Variants in PDGFRL observed in about 807,000 individuals in gnomAD.
PDGFRL encodes the protein platelet derived growth factor receptor like, also known as platelet-derived growth factor receptor-like protein.
Under a neutral mutation model 37.2 loss-of-function variants are expected in PDGFRL, and 46 were observed. That is an observed-to-expected ratio of 1.24 (90% CI 0.98 to 1.58). The LOEUF (loss-of-function observed/expected upper bound fraction) is 1.58. Ranked by LOEUF, PDGFRL falls within the 40% of genes most tolerant of loss-of-function variation. The pLI, the probability that PDGFRL is intolerant of heterozygous loss-of-function variation, is 0.00. For missense variants in PDGFRL, 692 were observed against 467.6 expected, an observed-to-expected ratio of 1.48 and a Z score of -4.43; for synonymous variants, 251 against 184.3, an observed-to-expected ratio of 1.36 and a Z score of -2.93.
chr8:17,627,098 G>A (rs1365300793), intron 3 of PDGFRL, among the ~76,000 whole-genome samples: 2 of 152,188 alleles, frequency 1.3e-5, no homozygotes, highest in Non-Finnish European at 2.9e-5. Flanking sequence ...GCTCCCAGGG[G>A]AGCTCTGATG....
In PDGFRL at chr8:17,634,220, G is replaced by A. The variant is rs750468269; in HGVS notation, c.939+7G>A. The stretch of plus-strand genomic sequence containing the variant: ...GATCTTCCCAGGGCAGAAGGTAAGT[G>A]TTGTACCTGCATCTCAGCCCCTGCG... On this transcript the variant is annotated splice_region_variant and intron_variant, in intron 5 of 5. Transcript: ENST00000251630. 1 of 1,602,146 alleles carries A rather than the reference G, an allele frequency of 6.2e-7. No individual in the cohort carries two copies. Among genetic ancestry groups the A allele is most frequent in the South Asian group, 1.1e-5 (1 of 89,918 alleles).
At chr8:17,637,451 T>C (rs1804995488) in intron 5 of PDGFRL, among the ~76,000 whole-genome samples, 1 of 152,226 alleles carries the variant, frequency 6.6e-6, no homozygotes, top group Non-Finnish European at 1.5e-5. Flanking sequence ...CTATTTGATA[T>C]GCTGTTGGAT....
intron 2 of PDGFRL, among the ~76,000 whole-genome samples, chr8:17,602,293 G>A (rs2410511): frequency 0.034 from 5,152 of 152,260 alleles, 114 homozygotes; most frequent in East Asian, 0.12. Flanking sequence ...AGTCATAGAG[G>A]AGATGTGGCT....
At chr8:17,640,237 T>C (rs1294610356) in intron 5 of PDGFRL, among the ~76,000 whole-genome samples, 1 of 152,226 alleles carries the variant, frequency 6.6e-6, no homozygotes, top group Non-Finnish European at 1.5e-5. Flanking sequence ...TGATGCCTCC[T>C]TGAGTAGCTT....
chr8:17,634,155 C>G lies in PDGFRL; in HGVS notation c.881C>G (p.Thr294Ser). ...GGGGACGACATCAGTGTGCTCTGCA[C>G]TGTCCTGGGGGAGCCCGATGTGGAG... ...KSGDDISVLC[T>S]VLGEPDVEVE... The change falls in exon 5 of 6, where the codon ACT becomes AGT. Residue 294 changes from threonine to serine, a missense_variant. Transcript: ENST00000251630. 1.9e-6 allele frequency: 3 copies of G among 1,613,406 alleles called. No individual in the cohort carries two copies. Among genetic ancestry groups the G allele is most frequent in the South Asian group, 1.1e-5 (1 of 91,066 alleles).
intron 3 of PDGFRL, among the ~76,000 whole-genome samples, chr8:17,628,160 A>AT (rs1191893852): frequency 2.2e-5 from 3 of 137,542 alleles, no homozygotes; most frequent in African/African-American, 8.1e-5. Flanking sequence ...TGCCCGGCTC[A>AT]TTTTTTGTTT....
At chr8:17,616,653 T>G (rs917770452) in intron 2 of PDGFRL, among the ~76,000 whole-genome samples, 2 of 152,126 alleles carry the variant, frequency 1.3e-5, no homozygotes, top group Admixed American at 1.3e-4. Flanking sequence ...CATCCTTCCT[T>G]TGTACCAAGA....
chr8:17,583,238 C>T (rs980919397), intron 1 of PDGFRL, among the ~76,000 whole-genome samples: 1 of 152,090 alleles, frequency 6.6e-6, no homozygotes, highest in Non-Finnish European at 1.5e-5. Flanking sequence ...AGGGCACTGC[C>T]TAGGGGAGCC....
chr8:17,599,268 A>T (rs79211460), intron 2 of PDGFRL, among the ~76,000 whole-genome samples: 1 of 152,066 alleles, frequency 6.6e-6, no homozygotes, highest in Non-Finnish European at 1.5e-5. Flanking sequence ...CCATATTTGC[A>T]TATTTGTTAT....
chr8:17,612,606 G>T (rs1804444343), intron 2 of PDGFRL, among the ~76,000 whole-genome samples: 1 of 152,150 alleles, frequency 6.6e-6, no homozygotes, highest in South Asian at 2.1e-4. Context: ...CCTGACCTCA[G>T]GTGATCCACC....
intron 3 of PDGFRL, among the ~76,000 whole-genome samples, chr8:17,626,471 C>G (rs189313345): frequency 6.6e-6 from 1 of 152,110 alleles, no homozygotes; most frequent in Non-Finnish European, 1.5e-5. Flanking sequence ...ACTTACAGCC[C>G]AAGAACTCTT....
intron 1 of PDGFRL, among the ~76,000 whole-genome samples, chr8:17,580,492 A>T (rs1352677401): frequency 1.9e-4 from 28 of 144,006 alleles, no homozygotes; most frequent in Admixed American, 1.9e-3. Context: ...ACAGAAAGAG[A>T]AAAGTTTGAG....
rs532208640 is a variant in PDGFRL, at chr8:17,579,064, G to T, written c.55+1757G>T. Among the ~76,000 whole-genome samples, 13 of 152,224 alleles carry T rather than the reference G, an allele frequency of 8.5e-5. No homozygotes were observed. In the East Asian group the frequency reaches 2.1e-3, roughly 25 times the overall value. Reference sequence around the variant, plus strand: ...AATATAAAAATTAGCCGGGCGTGGTGGTGGGCACGTGTAATCCCAGCTACT... The same window carrying T: ...AATATAAAAATTAGCCGGGCGTGGTTGTGGGCACGTGTAATCCCAGCTACT... On this transcript the variant is annotated intron_variant, in intron 1 of 5. Coordinates refer to ENST00000251630, the MANE Select transcript of PDGFRL (RefSeq NM_001372073.1).
intron 2 of PDGFRL, among the ~76,000 whole-genome samples, chr8:17,604,103 G>C (rs1028048829): frequency 6.6e-6 from 1 of 152,148 alleles, no homozygotes; most frequent in African/African-American, 2.4e-5. Context: ...TGGAGAGGAT[G>C]TGGAGTAATA....
intron 2 of PDGFRL, among the ~76,000 whole-genome samples, chr8:17,599,132 C>T (rs1386689827): frequency 6.6e-6 from 1 of 152,176 alleles, no homozygotes; most frequent in African/African-American, 2.4e-5. Flanking sequence ...TTACTTCTCT[C>T]TCTCTTTTAA....
chr8:17,639,512 CTG>C (rs913437401), intron 5 of PDGFRL, among the ~76,000 whole-genome samples: 11 of 152,096 alleles, frequency 7.2e-5, no homozygotes, highest in Non-Finnish European at 1.6e-4. Context: ...CTGAAAAAGA[CTG>C]TATCTCTCCT....
At chr8:17,638,473 C>G (rs7837933) in intron 5 of PDGFRL, among the ~76,000 whole-genome samples, 22 of 151,718 alleles carry the variant, frequency 1.5e-4, no homozygotes, top group African/African-American at 4.4e-4. Context: ...GATATGGTCT[C>G]TCTTGGAGAA....
At chr8:17,617,548 T>C (rs2237829) in intron 2 of PDGFRL, among the ~76,000 whole-genome samples, 80,840 of 152,000 alleles carry the variant, frequency 0.53, 22,119 homozygotes, top group Middle Eastern at 0.65. Context: ...CCTTGCGTAG[T>C]CTGCTGCCTA....
At chr8:17,580,991 C>G (rs1190759190) in intron 1 of PDGFRL, among the ~76,000 whole-genome samples, 1 of 151,880 alleles carries the variant, frequency 6.6e-6, no homozygotes, top group African/African-American at 2.4e-5. Context: ...ATAAGAACAT[C>G]AGTCCTATTG....
Sources: gnomAD v4.1 joint callset for allele counts (sites outside exome capture counted in the v4.1 genomes callset) on GRCh38, gnomAD v4.1.1 for gene constraint, MANE v1.5 for transcripts, NCBI Gene and HGNC (gene_info 2026-07-23, HGNC 2026-07-21) for gene names.